Variants in RASAL2 observed in about 807,000 individuals in gnomAD.
The protein encoded by RASAL2 is RAS protein activator like 2.
Under a neutral mutation model 128.9 loss-of-function variants are expected in RASAL2, and 58 were observed. That is an observed-to-expected ratio of 0.45 (90% CI 0.36 to 0.56). The LOEUF (loss-of-function observed/expected upper bound fraction) is 0.56, where lower values mean the gene tolerates loss of function less well. Among genes scored for constraint, RASAL2 ranks in the 20% least tolerant of loss-of-function variants. The probability of loss-of-function intolerance (pLI) is 0.00; values close to 1 mark genes in which losing one functional copy is unlikely to be tolerated. For missense variants in RASAL2, 1,360 were observed against 1,601.6 expected (o/e 0.85, Z 2.57); for synonymous variants, 561 against 580.8 (o/e 0.97, Z 0.49).
At chr1:178,309,202 A>G (rs1668127415) in intron 3 of RASAL2, among the ~76,000 whole-genome samples, 1 of 152,132 alleles carries the variant, frequency 6.6e-6, no homozygotes, top group African/African-American at 2.4e-5. Flanking sequence ...TAGCTCTGAA[A>G]GTTGGAGCTC....
At chr1:178,330,625 A>G (rs907152454) in intron 3 of RASAL2, among the ~76,000 whole-genome samples, 1 of 152,178 alleles carries the variant, frequency 6.6e-6, no homozygotes, top group Admixed American at 6.5e-5. Flanking sequence ...TGGTAAAAGA[A>G]TTAAACATTT....
chr1:178,244,400 G>A (rs1405626972), intron 1 of RASAL2, among the ~76,000 whole-genome samples: 4 of 151,940 alleles, frequency 2.6e-5, no homozygotes, highest in African/African-American at 4.8e-5. Context: ...GTGCCACCAC[G>A]CCCGGCTAAT....
At chr1:178,393,062 A>T (rs1673005125) in intron 4 of RASAL2, among the ~76,000 whole-genome samples, 1 of 152,144 alleles carries the variant, frequency 6.6e-6, no homozygotes, top group East Asian at 1.9e-4. Flanking sequence ...AGCAATATTT[A>T]AATGTATTTG....
intron 3 of RASAL2, 77 bp from the exon 4 acceptor site, chr1:178,390,023 C>T: frequency 1.1e-6 from 1 of 870,162 alleles, no homozygotes; most frequent in Non-Finnish European, 1.8e-6. Flanking sequence ...TGTGAAAAAC[C>T]AGTAACTTTA....
intron 3 of RASAL2, among the ~76,000 whole-genome samples, chr1:178,307,758 A>G (rs1354610056): frequency 6.6e-6 from 1 of 152,204 alleles, no homozygotes; most frequent in African/African-American, 2.4e-5. Context: ...CACAAGGTGA[A>G]TTTGGAGCTG....
chr1:178,370,361 G>C (rs1343430154), intron 3 of RASAL2, among the ~76,000 whole-genome samples: 1 of 152,086 alleles, frequency 6.6e-6, no homozygotes, highest in Admixed American at 6.5e-5. Context: ...CAGGGATACT[G>C]GTGTGTCATG....
intron 1 of RASAL2, among the ~76,000 whole-genome samples, chr1:178,264,110 C>A (rs1228854027): frequency 6.6e-6 from 1 of 152,140 alleles, no homozygotes; most frequent in East Asian, 1.9e-4. Flanking sequence ...AGATTAAATA[C>A]CTTGTAACCA....
At chr1:178,358,514 T>C (rs895008808) in intron 3 of RASAL2, among the ~76,000 whole-genome samples, 2 of 152,122 alleles carry the variant, frequency 1.3e-5, no homozygotes, top group East Asian at 1.9e-4. Context: ...GCAAGAGATA[T>C]AAAGAAGACT....
chr1:178,199,335 A>G (rs1571619218), intron 1 of RASAL2, among the ~76,000 whole-genome samples: 1 of 152,144 alleles, frequency 6.6e-6, no homozygotes, highest in African/African-American at 2.4e-5. Context: ...TCCCAATGAG[A>G]TGAACCAGGT....
At chr1:178,304,309 T>C (rs1283625585) in intron 3 of RASAL2, among the ~76,000 whole-genome samples, 1 of 152,076 alleles carries the variant, frequency 6.6e-6, no homozygotes, top group Non-Finnish European at 1.5e-5. Context: ...GGGTCACTTA[T>C]GTCTAGGAGT....
At chr1:178,141,906 A>G (rs1326325587) in intron 1 of RASAL2, among the ~76,000 whole-genome samples, 1 of 152,112 alleles carries the variant, frequency 6.6e-6, no homozygotes, top group Non-Finnish European at 1.5e-5. Flanking sequence ...TTTCCTTTAG[A>G]AAAACCCCTA....
At chr1:178,172,212 G>A (rs1450955588) in intron 1 of RASAL2, among the ~76,000 whole-genome samples, 2 of 151,894 alleles carry the variant, frequency 1.3e-5, no homozygotes, top group African/African-American at 4.8e-5. Context: ...ACATTGTTTT[G>A]TAAAATCAAT....
chr1:178,311,928 AAGAT>A (rs1668275324), intron 3 of RASAL2, among the ~76,000 whole-genome samples: 1 of 152,162 alleles, frequency 6.6e-6, no homozygotes, highest in African/African-American at 2.4e-5. Context: ...TATCCTCAGA[AAGAT>A]AGGATGTTAC....
intron 3 of RASAL2, among the ~76,000 whole-genome samples, chr1:178,372,679 T>C (rs1426173714): frequency 6.6e-6 from 1 of 152,288 alleles, no homozygotes; most frequent in East Asian, 1.9e-4. Flanking sequence ...TGAGGTGTGC[T>C]GTGTGAGAGT....
intron 4 of RASAL2, among the ~76,000 whole-genome samples, chr1:178,405,057 G>A (rs1269713169): frequency 6.6e-6 from 1 of 152,106 alleles, no homozygotes; most frequent in Non-Finnish European, 1.5e-5. Context: ...GGATGACAAC[G>A]AATTCAGTTG....
intron 1 of RASAL2, among the ~76,000 whole-genome samples, chr1:178,271,631 C>G (rs536005935): frequency 6.6e-6 from 1 of 152,210 alleles, no homozygotes; most frequent in Non-Finnish European, 1.5e-5. Flanking sequence ...TTCTCAGCTT[C>G]TTCCTCAAAG....
At chr1:178,378,671 A>G (rs887399998) in intron 3 of RASAL2, among the ~76,000 whole-genome samples, 3 of 152,180 alleles carry the variant, frequency 2.0e-5, no homozygotes, top group Non-Finnish European at 4.4e-5. Context: ...TTTTAAAGTT[A>G]CTTGCAAATA....
intron 2 of RASAL2, among the ~76,000 whole-genome samples, chr1:178,289,109 T>G (rs527868480): frequency 1.8e-4 from 27 of 152,320 alleles, no homozygotes; most frequent in African/African-American, 6.5e-4. Flanking sequence ...AGCCAGACTC[T>G]TACCCACATC....
chr1:178,284,361 C>T (rs1440989820), intron 2 of RASAL2, among the ~76,000 whole-genome samples: 1 of 152,186 alleles, frequency 6.6e-6, no homozygotes, highest in Non-Finnish European at 1.5e-5. Context: ...GATTTCTTGC[C>T]AGTGTCACCT....
Sources: gnomAD v4.1 joint callset for allele counts (sites outside exome capture counted in the v4.1 genomes callset) on GRCh38, gnomAD v4.1.1 for gene constraint, MANE v1.5 for transcripts, NCBI Gene and HGNC (gene_info 2026-07-23, HGNC 2026-07-21) for gene names.